Variants in COL24A1 observed in about 807,000 individuals in gnomAD.
COL24A1 encodes the protein collagen alpha-1(XXIV) chain.
A neutral mutation model predicts 253.9 loss-of-function variants in COL24A1; 224 were observed. The ratio of observed to expected loss-of-function variants is 0.88; its 90% CI spans 0.79 to 0.99. COL24A1 has a LOEUF of 0.99. Ranked by LOEUF, COL24A1 falls within the 50% of genes least tolerant of loss-of-function variation. The pLI is 0.00. For synonymous variants in COL24A1, 685 were observed against 673.7 expected (o/e 1.02, Z -0.26); for missense variants, 2,131 against 2,068.5 (o/e 1.03, Z -0.59).
At chr1:85,997,049 G>A (rs1369806747) in intron 19 of COL24A1, among the ~76,000 whole-genome samples, 1 of 71,314 alleles carries the variant, frequency 1.4e-5, no homozygotes, top group Non-Finnish European at 3.5e-5. Context: ...ATATGTGTGT[G>A]TGTGTGTATA....
intron 53 of COL24A1, among the ~76,000 whole-genome samples, chr1:85,766,368 C>CAAA (rs1319642983): frequency 9.4e-4 from 62 of 66,184 alleles, no homozygotes; most frequent in East Asian, 1.7e-3. Flanking sequence ...GACTCTGTCT[C>CAAA]AAAAAAAAAA....
chr1:85,746,585 A>G (rs930471998), intron 55 of COL24A1, among the ~76,000 whole-genome samples: 1 of 152,194 alleles, frequency 6.6e-6, no homozygotes, highest in African/African-American at 2.4e-5. Flanking sequence ...CTATGAGAGA[A>G]ATTAGAGAAA....
At chr1:85,814,111 AT>A (rs1672839857) in intron 47 of COL24A1, among the ~76,000 whole-genome samples, 1 of 152,140 alleles carries the variant, frequency 6.6e-6, no homozygotes, top group Non-Finnish European at 1.5e-5. Context: ...CTATCTTATA[AT>A]TTGTTTTCTG....
chr1:85,894,907 T>C (rs998604454), intron 31 of COL24A1, among the ~76,000 whole-genome samples: 11 of 152,286 alleles, frequency 7.2e-5, no homozygotes, highest in Non-Finnish European at 1.0e-4. Context: ...ATTTACTACA[T>C]AGACAATTAT....
chr1:85,974,345 G>A (rs1692456393), intron 20 of COL24A1, among the ~76,000 whole-genome samples: 1 of 152,098 alleles, frequency 6.6e-6, no homozygotes, highest in African/African-American at 2.4e-5. Context: ...TTTATCAGCA[G>A]TAGTATCAAT....
Position 86,020,171 on chromosome 1 carries a change from G to A in COL24A1, c.2256+2069C>T, listed in dbSNP as rs544401409. ...CAACCTCTGCCTTCTGGATTCAAGC[G>A]ATTCTCCTGCCTCAGCCTCCTGAGG... On this transcript the variant is annotated intron_variant, in intron 18 of 59. Transcript: ENST00000370571. 3.7e-4 allele frequency among the ~76,000 whole-genome samples: 54 copies of A among 146,202 alleles called. 1 individual carries two copies. The Middle Eastern group carries it at 0.011, about 30-fold the overall frequency.
chr1:86,014,918 A>C (rs1010132067), intron 19 of COL24A1, among the ~76,000 whole-genome samples: 1 of 152,122 alleles, frequency 6.6e-6, no homozygotes, highest in African/African-American at 2.4e-5. Context: ...CATAAAGCAC[A>C]ACTCTGATAA....
chr1:86,107,453 G>A (rs1705094298), intron 5 of COL24A1, among the ~76,000 whole-genome samples: 1 of 152,062 alleles, frequency 6.6e-6, no homozygotes, highest in African/African-American at 2.4e-5. Flanking sequence ...AAGAAAATCG[G>A]TTTCACAAAA....
chr1:86,060,091 G>A (rs747037765), intron 8 of COL24A1, among the ~76,000 whole-genome samples: 3 of 152,108 alleles, frequency 2.0e-5, no homozygotes. Context: ...TTAAAACAAG[G>A]TTTGCTCAGG....
chr1:85,783,999 T>A, intron 50 of COL24A1, 114 bp downstream of exon 50: 1 of 731,312 alleles, frequency 1.4e-6, no homozygotes, highest in Non-Finnish European at 2.2e-6. Context: ...TATATAAATA[T>A]GTACCAACTG....
chr1:85,766,088 G>A (rs1021093213), intron 53 of COL24A1, among the ~76,000 whole-genome samples: 12 of 152,026 alleles, frequency 7.9e-5, no homozygotes, highest in Non-Finnish European at 7.4e-5. Flanking sequence ...GAATAGGACT[G>A]GGTGCGGTGG....
Position 86,126,214 on chromosome 1 carries a change from C to A in COL24A1, c.122G>T (p.Gly41Val). 2 of 1,565,192 alleles carry A rather than the reference C, an allele frequency of 1.3e-6. No homozygotes were observed. Among genetic ancestry groups the A allele is most frequent in the Non-Finnish European group, 1.7e-6 (2 of 1,164,644 alleles). ...AGVVVHAQEQGIDILHQLGLG... is the reference protein window; with the variant it reads ...AGVVVHAQEQVIDILHQLGLG... ...GCCTAGTTGATGAAGAATATCTATGCCTGGAAATTTAAAAAAGAGAGAGAG... is the reference window on the plus strand; with the variant it reads ...GCCTAGTTGATGAAGAATATCTATGACTGGAAATTTAAAAAAGAGAGAGAG... Residue 41 changes from glycine to valine, a missense_variant and splice_region_variant, in exon 3 of 60, where the codon GGC becomes GTC. Coordinates refer to ENST00000370571, the MANE Select transcript of COL24A1 (RefSeq NM_152890.7).
Position 86,022,835 on chromosome 1 carries a change from T to TA in COL24A1, c.2145dup (p.Lys716Ter). ...TATAATATTAATATTTAAATCACCT[T>TA]ATCACCTTTGATTCCAGGTAGTCCT... On this transcript the variant is annotated frameshift_variant, in exon 16 of 60. Coordinates refer to ENST00000370571, the MANE Select transcript of COL24A1 (RefSeq NM_152890.7). LOFTEE classifies it high-confidence loss of function. 1 of 1,553,256 alleles carries TA rather than the reference T, an allele frequency of 6.4e-7. No homozygotes were observed. The highest frequency in any genetic ancestry group is 8.7e-7 in the Non-Finnish European group (1 of 1,146,534).
In COL24A1 at chr1:85,891,697, G is replaced by C. The variant is rs528103857; in HGVS notation, c.2923-2084C>G. Among the ~76,000 whole-genome samples the C allele has an allele frequency of 4.9e-4, 74 of 152,214 alleles. 2 individuals are homozygous for C. In the South Asian group the frequency reaches 0.015, roughly 31 times the overall value. On this transcript the variant is annotated intron_variant, in intron 31 of 59. Transcript: ENST00000370571. ...ATTATAAGGAATCTCTCTGTGCCTAGTACACCAACTGAAATATACAGAAAA... is the reference window on the plus strand; with the variant it reads ...ATTATAAGGAATCTCTCTGTGCCTACTACACCAACTGAAATATACAGAAAA...
chr1:86,139,801 G>A (rs1415137817), intron 2 of COL24A1, among the ~76,000 whole-genome samples: 2 of 152,072 alleles, frequency 1.3e-5, no homozygotes, highest in Non-Finnish European at 2.9e-5. Flanking sequence ...ATTTGCAAAT[G>A]AGAATGATTA....
chr1:86,077,529 A>G lies in COL24A1; in HGVS notation c.1707+11645T>C, dbSNP rs182258114. Among the ~76,000 whole-genome samples the G allele has an allele frequency of 3.6e-3, 544 of 152,384 alleles. 5 individuals are homozygous for G. Among genetic ancestry groups the G allele is most frequent in the African/African-American group, 0.013 (524 of 41,584 alleles). ...TTATAAATCAGTCTACTATAAAGACACATGCACGCATATGTTTATTGCAGC... is the reference window on the plus strand; with the variant it reads ...TTATAAATCAGTCTACTATAAAGACGCATGCACGCATATGTTTATTGCAGC... On this transcript the variant is annotated intron_variant, in intron 7 of 59. Coordinates refer to ENST00000370571, the MANE Select transcript of COL24A1 (RefSeq NM_152890.7).
chr1:85,989,269 A>G (rs1392694474), intron 19 of COL24A1, among the ~76,000 whole-genome samples: 1 of 151,998 alleles, frequency 6.6e-6, no homozygotes, highest in Admixed American at 6.6e-5. Flanking sequence ...CCTTGAGGTA[A>G]TCCACCAGTT....
chr1:85,936,965 G>A lies in COL24A1; in HGVS notation c.2562+24284C>T, dbSNP rs1239537475. ...AGCTGAGTTCCATCAGATTCATCAA[G>A]TCATAAGGCCAACCAGTTCCAGTGC... On this transcript the variant is annotated intron_variant, in intron 24 of 59. Coordinates refer to ENST00000370571, the MANE Select transcript of COL24A1 (RefSeq NM_152890.7). Among the ~76,000 whole-genome samples the A allele has an allele frequency of 4.1e-5, 6 of 147,268 alleles. No homozygotes were observed. In the Admixed American group the frequency reaches 4.1e-4, roughly 10 times the overall value.
chr1:85,920,667 C>T (rs531895548), intron 24 of COL24A1, among the ~76,000 whole-genome samples: 5 of 151,772 alleles, frequency 3.3e-5, no homozygotes, highest in Admixed American at 3.3e-4. Context: ...TAATAGTCCA[C>T]ATTAAATGTA....
Sources: gnomAD v4.1 joint callset for allele counts (sites outside exome capture counted in the v4.1 genomes callset) on GRCh38, gnomAD v4.1.1 for gene constraint, MANE v1.5 for transcripts, NCBI Gene and HGNC (gene_info 2026-07-23, HGNC 2026-07-21) for gene names.